The following ARB2A variants were observed in gnomAD, a reference collection of about 807,000 sequenced individuals.
ARB2A encodes the protein ARB2 cotranscriptional regulator A.
At chr5:94,064,054 G>C in the ARB2A span, among the ~76,000 whole-genome samples, 1 of 151,858 alleles carries the variant, frequency 6.6e-6, no homozygotes, top group African/African-American at 2.4e-5. Context: ...TTTTAAAGAA[G>C]CTCAGTAAGA....
At chr5:94,067,107 G>C in the ARB2A span, among the ~76,000 whole-genome samples, 1 of 152,154 alleles carries the variant, frequency 6.6e-6, no homozygotes, top group Non-Finnish European at 1.5e-5. Flanking sequence ...CATCTCAGTA[G>C]ATGCAGTGAA....
chr5:93,898,571 T>A, the ARB2A span, among the ~76,000 whole-genome samples: 9 of 152,070 alleles, frequency 5.9e-5, no homozygotes, highest in Non-Finnish European at 1.2e-4. Flanking sequence ...AAACGACCAA[T>A]TGTCCATGTT....
At chr5:93,762,023 A>C in the ARB2A span, among the ~76,000 whole-genome samples, 2 of 151,560 alleles carry the variant, frequency 1.3e-5, no homozygotes, top group African/African-American at 4.9e-5. Context: ...AACAAACAGA[A>C]AGGACATCCA....
chr5:93,797,925 C>T, the ARB2A span, among the ~76,000 whole-genome samples: 3 of 151,906 alleles, frequency 2.0e-5, no homozygotes, highest in South Asian at 2.1e-4. Flanking sequence ...GAAAGGATGG[C>T]GGTTAAATAT....
the ARB2A span, among the ~76,000 whole-genome samples, chr5:93,757,229 T>C: frequency 1.3e-5 from 2 of 152,110 alleles, no homozygotes; most frequent in Non-Finnish European, 1.5e-5. Flanking sequence ...TCTGGGATTA[T>C]GTTAAATGAC....
chr5:93,672,641 T>G, the ARB2A span, among the ~76,000 whole-genome samples: 2 of 152,122 alleles, frequency 1.3e-5, no homozygotes, highest in Non-Finnish European at 1.5e-5. Flanking sequence ...TTAAAAAATT[T>G]AAGCTAATGA....
chr5:94,053,042 T>C, the ARB2A span: 1 of 616,296 alleles, frequency 1.6e-6, no homozygotes, highest in South Asian at 3.7e-5. Context: ...TATTATTCTA[T>C]GAGCACTGAT....
the ARB2A span, among the ~76,000 whole-genome samples, chr5:94,045,971 G>C: frequency 6.6e-6 from 1 of 152,162 alleles, no homozygotes; most frequent in Non-Finnish European, 1.5e-5. Flanking sequence ...TGTAACAGAA[G>C]AGATGAGGGA....
chr5:93,915,399 G>A, the ARB2A span, among the ~76,000 whole-genome samples: 1 of 151,380 alleles, frequency 6.6e-6, no homozygotes, highest in Non-Finnish European at 1.5e-5. Flanking sequence ...TGAGAATAAT[G>A]CAGTATAGGA....
chr5:93,875,300 C>G, the ARB2A span, among the ~76,000 whole-genome samples: 1 of 151,926 alleles, frequency 6.6e-6, no homozygotes, highest in African/African-American at 2.4e-5. Flanking sequence ...GGCGTGATCT[C>G]GGCTGGCTGC....
At chr5:94,108,471 A>C in the ARB2A span, among the ~76,000 whole-genome samples, 3 of 152,144 alleles carry the variant, frequency 2.0e-5, no homozygotes, top group Admixed American at 2.0e-4. Context: ...AAGAGTTAAA[A>C]TGCAATAAAA....
At chr5:93,715,989 G>C in the ARB2A span, among the ~76,000 whole-genome samples, 1 of 152,172 alleles carries the variant, frequency 6.6e-6, no homozygotes, top group East Asian at 1.9e-4. Context: ...TTATAAACAT[G>C]ATAGGTAACA....
At chr5:93,956,224 A>C in the ARB2A span, among the ~76,000 whole-genome samples, 1 of 152,212 alleles carries the variant, frequency 6.6e-6, no homozygotes, top group Non-Finnish European at 1.5e-5. Context: ...ATGATTTTCA[A>C]ACTATGACCT....
chr5:94,032,078 A>T, the ARB2A span, among the ~76,000 whole-genome samples: 3 of 152,212 alleles, frequency 2.0e-5, no homozygotes, highest in South Asian at 6.2e-4. Context: ...GCAGGAATGG[A>T]GCCCCAACAG....
the ARB2A span, among the ~76,000 whole-genome samples, chr5:94,007,016 T>C: frequency 6.6e-6 from 1 of 152,226 alleles, no homozygotes; most frequent in Non-Finnish European, 1.5e-5. Flanking sequence ...TTTATTGTTC[T>C]ATTTTCTTGC....
chr5:93,958,880 T>C, the ARB2A span: 1 of 1,609,532 alleles, frequency 6.2e-7, no homozygotes, highest in East Asian at 2.2e-5. Context: ...ACCACTACCA[T>C]GAATTAAAAC....
the ARB2A span, among the ~76,000 whole-genome samples, chr5:94,013,175 T>G: frequency 3.4e-5 from 4 of 118,078 alleles, no homozygotes; most frequent in Non-Finnish European, 5.9e-5. Context: ...AGTAAGTTGT[T>G]TTTTTTTTTT....
the ARB2A span, among the ~76,000 whole-genome samples, chr5:93,771,455 G>C: frequency 6.6e-6 from 1 of 150,854 alleles, no homozygotes; most frequent in Non-Finnish European, 1.5e-5. Flanking sequence ...ATTGACAAAT[G>C]GGATCTAATT....
chr5:93,655,987 C>T, the ARB2A span, among the ~76,000 whole-genome samples: 2 of 152,130 alleles, frequency 1.3e-5, no homozygotes, highest in African/African-American at 4.8e-5. Context: ...TGTCCCTCTC[C>T]TCTGACTAAA....
Sources: gnomAD v4.1 joint callset for allele counts (sites outside exome capture counted in the v4.1 genomes callset) on GRCh38, gnomAD v4.1.1 for gene constraint, MANE v1.5 for transcripts, NCBI Gene and HGNC (gene_info 2026-07-23, HGNC 2026-07-21) for gene names.